IQCB1: variants seen among roughly 807,000 people sequenced by gnomAD.
IQCB1 encodes IQ motif containing B1.
In IQCB1, 56 loss-of-function variants were observed where a neutral mutation model predicts 84.4. The observed-to-expected ratio is 0.66, with a 90% CI of 0.54 to 0.83. The LOEUF is 0.83. Ranked by LOEUF, IQCB1 falls within the 40% of genes least tolerant of loss-of-function variation. The pLI is 0.00. For missense variants in IQCB1, 629 were observed against 682.1 expected, an observed-to-expected ratio of 0.92 and a Z score of 0.87; for synonymous variants, 210 against 234.8, an observed-to-expected ratio of 0.89 and a Z score of 0.96.
chr3:121,827,051 C>CAT (rs1553722360), intron 4 of IQCB1, among the ~76,000 whole-genome samples: 2 of 151,966 alleles, frequency 1.3e-5, no homozygotes, highest in Non-Finnish European at 2.9e-5. Context: ...TGGGGTGGTA[C>CAT]ATATACACCA....
At chr3:121,806,907 A>G (rs186968944) in intron 7 of IQCB1, among the ~76,000 whole-genome samples, 234 of 152,130 alleles carry the variant, frequency 1.5e-3, no homozygotes, top group Non-Finnish European at 2.8e-3. Flanking sequence ...ATAATTGCCA[A>G]TTGCTTCTTT....
At chr3:121,824,968 A>G (rs1443229128) in intron 5 of IQCB1, among the ~76,000 whole-genome samples, 2 of 152,214 alleles carry the variant, frequency 1.3e-5, no homozygotes, top group Non-Finnish European at 2.9e-5. Flanking sequence ...ATATTAAATA[A>G]AACCTGTGCA....
At chr3:121,799,982 CCT>C (rs1949343000) in intron 7 of IQCB1, among the ~76,000 whole-genome samples, 1 of 151,696 alleles carries the variant, frequency 6.6e-6, no homozygotes. Context: ...GGCGTATGTA[CCT>C]CTGTTTAATT....
Position 121,804,891 on chromosome 3 carries a change from C to A in IQCB1, c.587+2453G>T, listed in dbSNP as rs541399184. Among the ~76,000 whole-genome samples, 6 of 152,250 alleles carry A rather than the reference C, an allele frequency of 3.9e-5. No homozygotes were observed. The South Asian group carries it at 8.3e-4, about 21-fold the overall frequency. On this transcript the variant is annotated intron_variant, in intron 7 of 14. Transcript: ENST00000310864. ...TCCCACAGTTCACTGATATGCTTTT[C>A]TTTCCTCTTGTTTCTTCTTTGTTTC...
Position 121,804,905 on chromosome 3 carries a change from C to A in IQCB1, c.587+2439G>T, listed in dbSNP as rs558114676. Among the ~76,000 whole-genome samples, 3 of 152,174 alleles carry A rather than the reference C, an allele frequency of 2.0e-5. No individual in the cohort carries two copies. In the South Asian group the frequency reaches 6.2e-4, roughly 32 times the overall value. On this transcript the variant is annotated intron_variant, in intron 7 of 14. Transcript: ENST00000310864. ...GATATGCTTTTCTTTCCTCTTGTTT[C>A]TTCTTTGTTTCATTTTGGATAGTTT... is the stretch of plus-strand genomic sequence containing the variant.
At chr3:121,807,262 G>A (rs1949634690) in intron 7 of IQCB1, 82 bp downstream of exon 7, 1 of 625,072 alleles carries the variant, frequency 1.6e-6, no homozygotes, top group Non-Finnish European at 2.9e-6. Flanking sequence ...ATCATATGCG[G>A]TCAATTTTAG....
chr3:121,797,095 T>C (rs572711789), intron 9 of IQCB1, 23 bp downstream of exon 9: 1 of 1,200,694 alleles, frequency 8.3e-7, no homozygotes, highest in Admixed American at 1.7e-5. Context: ...ATCATGCAAT[T>C]TTTTTTTTTT....
chr3:121,778,783 G>A (rs981320988), intron 13 of IQCB1, among the ~76,000 whole-genome samples: 2 of 151,768 alleles, frequency 1.3e-5, no homozygotes, highest in Non-Finnish European at 2.9e-5. Context: ...GCAGGCGCCT[G>A]TAATCCTAGC....
chr3:121,788,996 C>T (rs920542664), intron 11 of IQCB1, among the ~76,000 whole-genome samples: 2 of 151,924 alleles, frequency 1.3e-5, no homozygotes, highest in African/African-American at 2.4e-5. Flanking sequence ...CAACTGGATA[C>T]GGAGGTAAAA....
chr3:121,785,255 C>CT (rs1012749746), intron 12 of IQCB1, among the ~76,000 whole-genome samples: 275 of 143,802 alleles, frequency 1.9e-3, no homozygotes, highest in East Asian at 8.6e-3. Context: ...CTTTATATTA[C>CT]TTTTTTTTTT....
At chr3:121,800,632 GA>G (rs1359110832) in intron 7 of IQCB1, among the ~76,000 whole-genome samples, 1 of 151,800 alleles carries the variant, frequency 6.6e-6, no homozygotes, top group Admixed American at 6.6e-5. Context: ...GCTCATCTCA[GA>G]AAGCCTTCTA....
intron 7 of IQCB1, among the ~76,000 whole-genome samples, chr3:121,801,893 A>G (rs937596175): frequency 6.5e-5 from 9 of 139,504 alleles, no homozygotes; most frequent in African/African-American, 2.2e-4. Context: ...TACTGATATG[A>G]TGGTATGTTT....
chr3:121,801,181 C>A (rs1052782859), intron 7 of IQCB1, among the ~76,000 whole-genome samples: 1 of 151,982 alleles, frequency 6.6e-6, no homozygotes, highest in Non-Finnish European at 1.5e-5. Context: ...ACTAATCTCA[C>A]TTTCTGTCAT....
rs57816005 is a variant in IQCB1, at chr3:121,781,632, TACACAC to T, written c.1410+105_1410+110del. The T allele has an allele frequency of 1.2e-3, 952 of 820,240 alleles. 4 individuals are homozygous for T. The highest frequency in any genetic ancestry group is 0.011 in the East Asian group (418 of 36,750). The allele number at this position is 820,240 out of a possible 1,614,324, so 50.8% of individuals were successfully genotyped here. A position where few individuals can be genotyped will look rare whatever the true frequency, so the allele number is the denominator to read the frequency against. On this transcript the variant is annotated intron_variant, in intron 13 of 14. Coordinates refer to ENST00000310864, the MANE Select transcript of IQCB1 (RefSeq NM_001023570.4). Reference sequence around the variant, plus strand: ...CATTACCTTATACCAGCAATAAATGTACACACACACACACACACACACACACACACA... The same window carrying T: ...CATTACCTTATACCAGCAATAAATGTACACACACACACACACACACACACA...
intron 5 of IQCB1, among the ~76,000 whole-genome samples, chr3:121,818,128 C>T (rs1198662950): frequency 6.6e-6 from 1 of 152,198 alleles, no homozygotes; most frequent in Non-Finnish European, 1.5e-5. Flanking sequence ...TAATTGACAA[C>T]AGTTGTGAAT....
At chr3:121,820,956 G>T (rs1950251902) in intron 5 of IQCB1, among the ~76,000 whole-genome samples, 1 of 147,168 alleles carries the variant, frequency 6.8e-6, no homozygotes. Flanking sequence ...GTAGAATCAA[G>T]TTCAAACTTT....
Position 121,807,379 on chromosome 3 carries a change from G to T in IQCB1, c.552C>A (p.Val184=). Reference sequence around the variant, plus strand: ...GTAGTATATTCTGTAGCATCATCATGACTGCAGATCCTATTTGGACATTGT... The same window carrying T: ...GTAGTATATTCTGTAGCATCATCATTACTGCAGATCCTATTTGGACATTGT... ...QADNVQIGSA[V]MMMLQNILQI... Residue 184 remains valine, a synonymous_variant, in exon 7 of 15, where the codon GTC becomes GTA. Coordinates refer to ENST00000310864, the MANE Select transcript of IQCB1 (RefSeq NM_001023570.4). The T allele has an allele frequency of 1.9e-6, 3 of 1,578,166 alleles. No individual in the cohort carries two copies. Among genetic ancestry groups the T allele is most frequent in the South Asian group, 2.2e-5 (2 of 90,232 alleles).
chr3:121,811,658 G>C (rs954604422), intron 5 of IQCB1, among the ~76,000 whole-genome samples: 1 of 152,170 alleles, frequency 6.6e-6, no homozygotes, highest in African/African-American at 2.4e-5. Context: ...CCACTGGGAA[G>C]TTTGGACTGG....
intron 5 of IQCB1, among the ~76,000 whole-genome samples, chr3:121,820,415 C>G (rs1368121375): frequency 6.6e-6 from 1 of 152,184 alleles, no homozygotes; most frequent in African/African-American, 2.4e-5. Context: ...TCAGACATCT[C>G]TAAGGCTCTG....
Sources: gnomAD v4.1 joint callset for allele counts (sites outside exome capture counted in the v4.1 genomes callset) on GRCh38, gnomAD v4.1.1 for gene constraint, MANE v1.5 for transcripts, NCBI Gene and HGNC (gene_info 2026-07-23, HGNC 2026-07-21) for gene names.